The following PPP1R1C variants were observed in gnomAD, a reference collection of about 807,000 sequenced individuals.
PPP1R1C encodes the protein protein phosphatase 1 regulatory inhibitor subunit 1C, also known as protein phosphatase 1 regulatory subunit 1C.
Under a neutral mutation model 17.4 loss-of-function variants are expected in PPP1R1C, and 15 were observed. The observed-to-expected ratio is 0.86, with a 90% CI of 0.58 to 1.33. The LOEUF is 1.33. Ranked by LOEUF, PPP1R1C falls within the 40% of genes most tolerant of loss-of-function variation. PPP1R1C has a pLI of 0.00. For missense variants in PPP1R1C, 143 were observed against 130.0 expected (o/e 1.10, Z -0.48); for synonymous variants, 35 against 43.1 (o/e 0.81, Z 0.73).
intron 4 of PPP1R1C, among the ~76,000 whole-genome samples, chr2:182,098,240 C>G (rs1013371696): frequency 2.6e-5 from 4 of 152,092 alleles, no homozygotes; most frequent in African/African-American, 9.7e-5. Context: ...CACACTGTTG[C>G]ATTTGTACTT....
At chr2:182,066,057 C>A (rs370059594) in intron 4 of PPP1R1C, among the ~76,000 whole-genome samples, 40 of 152,214 alleles carry the variant, frequency 2.6e-4, no homozygotes, top group African/African-American at 9.6e-4. Flanking sequence ...ATGCCTGAAA[C>A]CTCCTTCAAC....
chr2:182,064,936 A>G (rs1380075752), intron 4 of PPP1R1C, among the ~76,000 whole-genome samples: 1 of 152,136 alleles, frequency 6.6e-6, no homozygotes, highest in Non-Finnish European at 1.5e-5. Context: ...CCTCTGCTCT[A>G]TTTTAGGTTC....
At chr2:182,057,418 T>TAGTA (rs1351220288) in intron 2 of PPP1R1C, among the ~76,000 whole-genome samples, 3 of 152,074 alleles carry the variant, frequency 2.0e-5, no homozygotes, top group African/African-American at 7.2e-5. Flanking sequence ...CTCTGAGGGA[T>TAGTA]AGTAGTATTT....
At chr2:182,024,573 T>C (rs1686533327) in intron 2 of PPP1R1C, among the ~76,000 whole-genome samples, 1 of 152,136 alleles carries the variant, frequency 6.6e-6, no homozygotes, top group African/African-American at 2.4e-5. Context: ...GTTCATTAAA[T>C]TGAAGAAGTA....
chr2:181,957,395 C>A lies in PPP1R1C; in HGVS notation n.111+2761C>A, dbSNP rs942462204. Among the ~76,000 whole-genome samples, 1 of 152,082 alleles carries A rather than the reference C, an allele frequency of 6.6e-6. No individual in the cohort carries two copies. The highest frequency in any genetic ancestry group is 1.5e-5 in the Non-Finnish European group (1 of 67,998). On this transcript the variant is annotated intron_variant and non_coding_transcript_variant, in intron 1 of 5. Coordinates refer to the PPP1R1C transcript ENST00000464264. The surrounding 1 kb of genome is among the most constrained non-coding windows in gnomAD (Gnocchi z 4.2). ...AAAAATTGTGCTAACTCTTATCAAG[C>A]AAGCCCTTGAAATTCCACTCAATTC...
At chr2:182,014,918 A>G (rs1167274868) in intron 2 of PPP1R1C, among the ~76,000 whole-genome samples, 2 of 152,074 alleles carry the variant, frequency 1.3e-5, no homozygotes, top group Non-Finnish European at 2.9e-5. Context: ...GAACGCTGCC[A>G]GGCCTGAGTC....
chr2:182,098,739 G>T (rs564863553), intron 4 of PPP1R1C, among the ~76,000 whole-genome samples: 1 of 152,172 alleles, frequency 6.6e-6, no homozygotes, highest in East Asian at 1.9e-4. Flanking sequence ...TATGGGAAAA[G>T]TACTTCAGAA....
chr2:182,078,870 C>G (rs1056302713), intron 4 of PPP1R1C, among the ~76,000 whole-genome samples: 2 of 152,112 alleles, frequency 1.3e-5, no homozygotes, highest in African/African-American at 4.8e-5. Flanking sequence ...GGGTTTCTGC[C>G]CCAACCAACA....
intron 2 of PPP1R1C, among the ~76,000 whole-genome samples, chr2:182,041,533 C>T (rs982263283): frequency 6.1e-5 from 9 of 146,456 alleles, no homozygotes; most frequent in African/African-American, 7.7e-5. Flanking sequence ...TGCTGGAACC[C>T]GGGAGGCGGA....
chr2:182,012,291 T>G (rs1251680242), intron 2 of PPP1R1C, among the ~76,000 whole-genome samples: 4 of 152,040 alleles, frequency 2.6e-5, no homozygotes, highest in Non-Finnish European at 4.4e-5. Flanking sequence ...GCTTCATGGG[T>G]GGGTGCATAT....
At chr2:182,017,869 A>T (rs1027669283) in intron 2 of PPP1R1C, among the ~76,000 whole-genome samples, 3 of 152,144 alleles carry the variant, frequency 2.0e-5, no homozygotes, top group Non-Finnish European at 4.4e-5. Flanking sequence ...GATTTCTGGG[A>T]TAAGTCAACA....
At chr2:182,111,455 A>G (rs1008165200) in intron 4 of PPP1R1C, among the ~76,000 whole-genome samples, 1 of 152,176 alleles carries the variant, frequency 6.6e-6, no homozygotes, top group African/African-American at 2.4e-5. Flanking sequence ...TACGTCAAAT[A>G]AAATAGAAAG....
intron 4 of PPP1R1C, among the ~76,000 whole-genome samples, chr2:182,077,325 G>A (rs535731740): frequency 7.2e-5 from 11 of 152,256 alleles, no homozygotes; most frequent in Non-Finnish European, 1.5e-4. Context: ...ACGCCTGATC[G>A]TCTTAATTTT....
chr2:181,984,464 C>G (rs1559045275), upstream of PPP1R1C, among the ~76,000 whole-genome samples: 1 of 152,150 alleles, frequency 6.6e-6, no homozygotes, highest in Non-Finnish European at 1.5e-5. Flanking sequence ...TTTCTGGAGA[C>G]TTTTGTAAAC....
At chr2:181,996,977 T>C (rs1153740) in intron 2 of PPP1R1C, among the ~76,000 whole-genome samples, 121,890 of 152,074 alleles carry the variant, frequency 0.8, 49,160 homozygotes, top group East Asian at 1. Flanking sequence ...CGCCTGTAAT[T>C]CCAGCACTTT....
chr2:182,031,456 TA>T (rs1686835022), intron 2 of PPP1R1C, among the ~76,000 whole-genome samples: 1 of 152,164 alleles, frequency 6.6e-6, no homozygotes, highest in African/African-American at 2.4e-5. Flanking sequence ...AAAAATAAAG[TA>T]AAAAAATTTA....
intron 4 of PPP1R1C, among the ~76,000 whole-genome samples, chr2:182,074,104 C>A (rs1023019860): frequency 1.0e-4 from 15 of 148,940 alleles, no homozygotes; most frequent in Non-Finnish European, 2.1e-4. Context: ...TGCAGTGGCG[C>A]GATCTCGGCT....
At position 181,987,664 on chromosome 2, in the gene PPP1R1C, T is replaced by C. The variant is rs111686265; in HGVS notation, c.82-175T>C. 3.3e-5 allele frequency among the ~76,000 whole-genome samples: 5 copies of C among 152,336 alleles called. 1 individual carries two copies. The highest frequency in any genetic ancestry group is 1.2e-4 in the African/African-American group (5 of 41,588). Reference sequence around the variant, plus strand: ...TGATACTTCTATCAGACAGTTCAATTCTGTGGCTTTCTATTATTTCAAAAT... The same window carrying C: ...TGATACTTCTATCAGACAGTTCAATCCTGTGGCTTTCTATTATTTCAAAAT... On this transcript the variant is annotated intron_variant, in intron 1 of 4. Transcript: ENST00000682840.
At position 182,090,317 on chromosome 2, in the gene PPP1R1C, C is replaced by CA. The variant is rs1491336402; in HGVS notation, c.241+26527dup. On this transcript the variant is annotated intron_variant, in intron 4 of 4. Transcript: ENST00000682840. ...TGTGTGTGTGTGTGTGTGTGTGTGT[C>CA]AGAGAGAGACAGAGAGCAAGAGAGA... is the stretch of plus-strand genomic sequence containing the variant. Among the ~76,000 whole-genome samples the CA allele has an allele frequency of 4.3e-5, 4 of 92,536 alleles. No individual in the cohort carries two copies. The East Asian group carries it at 1.2e-3, about 27-fold the overall frequency. The allele number at this position is 92,536 out of a possible 152,430, so 60.7% of individuals were successfully genotyped here.
Sources: allele counts gnomAD v4.1 joint callset (sites outside exome capture counted in the v4.1 genomes callset), GRCh38; gene constraint gnomAD v4.1.1; non-coding constraint Gnocchi (gnomAD v3.1); transcripts MANE v1.5; gene names NCBI Gene and HGNC (gene_info 2026-07-23, HGNC 2026-07-21).